Variants in SLC2A13 observed in about 807,000 individuals in gnomAD.
SLC2A13 encodes proton myo-inositol cotransporter.
Under a neutral mutation model 64.4 loss-of-function variants are expected in SLC2A13, and 32 were observed. That is an observed-to-expected ratio of 0.50 (90% CI 0.37 to 0.67). The LOEUF (loss-of-function observed/expected upper bound fraction) is 0.67. Ranked by LOEUF, SLC2A13 falls within the 30% of genes least tolerant of loss-of-function variation. The pLI is 0.00. For missense variants in SLC2A13, 743 were observed against 829.2 expected (o/e 0.90, Z 1.28); for synonymous variants, 338 against 327.1 (o/e 1.03, Z -0.36).
At chr12:39,951,546 GTGTTTT>G (rs1365227691) in intron 3 of SLC2A13, among the ~76,000 whole-genome samples, 181 bp from the exon 4 acceptor site, 2 of 152,120 alleles carry the variant, frequency 1.3e-5, no homozygotes, top group Admixed American at 6.6e-5. Context: ...CAAACAGATA[GTGTTTT>G]TGTTTTTGTT....
intron 3 of SLC2A13, among the ~76,000 whole-genome samples, chr12:39,995,878 G>A (rs1369153969): frequency 6.6e-6 from 1 of 152,184 alleles, no homozygotes; most frequent in Non-Finnish European, 1.5e-5. Flanking sequence ...TGAAAAACAT[G>A]ACTTGCTCCT....
intron 4 of SLC2A13, among the ~76,000 whole-genome samples, chr12:39,888,444 C>T (rs1170051668): frequency 2.0e-5 from 3 of 152,156 alleles, no homozygotes; most frequent in Non-Finnish European, 1.5e-5. Flanking sequence ...AGGCTGAACT[C>T]GAACTGCTGA....
chr12:39,770,653 A>G (rs7297063), intron 7 of SLC2A13, among the ~76,000 whole-genome samples: 148,036 of 152,240 alleles, frequency 0.97, 71,974 homozygotes, highest in East Asian at 1. Flanking sequence ...TGCACACTCA[A>G]TGCTTAGCAT....
intron 4 of SLC2A13, among the ~76,000 whole-genome samples, chr12:39,932,693 T>C (rs979845085): frequency 6.6e-6 from 1 of 152,142 alleles, no homozygotes; most frequent in African/African-American, 2.4e-5. Context: ...CTATCTGAGG[T>C]GTGCTGTTTA....
chr12:39,986,001 G>A (rs1322712698), intron 3 of SLC2A13, among the ~76,000 whole-genome samples: 1 of 152,106 alleles, frequency 6.6e-6, no homozygotes, highest in Non-Finnish European at 1.5e-5. Flanking sequence ...AAGATTCACT[G>A]TGCGGTGAGG....
At chr12:39,864,652 C>T in intron 6 of SLC2A13, 110 bp downstream of exon 6, 4 of 1,420,624 alleles carry the variant, frequency 2.8e-6, no homozygotes, top group Non-Finnish European at 3.8e-6. Flanking sequence ...CTTACATAAG[C>T]CTGGATGCCC....
chr12:40,103,882 T>C (rs975667170), intron 1 of SLC2A13, among the ~76,000 whole-genome samples: 3 of 152,232 alleles, frequency 2.0e-5, no homozygotes, highest in South Asian at 2.1e-4. Flanking sequence ...TTGGATATTT[T>C]TGTGCCAACT....
intron 7 of SLC2A13, among the ~76,000 whole-genome samples, chr12:39,818,512 T>A (rs1301844678): frequency 6.6e-6 from 1 of 152,176 alleles, no homozygotes; most frequent in Non-Finnish European, 1.5e-5. Context: ...AACTCTAACT[T>A]TATAAGTAGC....
At chr12:39,835,509 C>A (rs190588917) in intron 6 of SLC2A13, among the ~76,000 whole-genome samples, 7 of 151,980 alleles carry the variant, frequency 4.6e-5, no homozygotes, top group African/African-American at 7.2e-5. Flanking sequence ...AAAGGAATTG[C>A]GGAATGAATT....
intron 4 of SLC2A13, among the ~76,000 whole-genome samples, chr12:39,895,587 T>C (rs1259647435): frequency 7.5e-6 from 1 of 132,994 alleles, no homozygotes; most frequent in African/African-American, 2.8e-5. Flanking sequence ...TATATGTGTA[T>C]ATATATGTGT....
intron 4 of SLC2A13, among the ~76,000 whole-genome samples, chr12:39,940,920 C>T (rs986583892): frequency 6.6e-6 from 1 of 151,830 alleles, no homozygotes; most frequent in African/African-American, 2.4e-5. Context: ...TACACCTTTG[C>T]GTCCTCATAG....
At chr12:40,099,682 A>G (rs1183887039) in intron 1 of SLC2A13, among the ~76,000 whole-genome samples, 1 of 152,248 alleles carries the variant, frequency 6.6e-6, no homozygotes, top group African/African-American at 2.4e-5. Context: ...CTAGGCAAAC[A>G]CAACTAGATC....
chr12:39,805,104 C>T (rs545042979), intron 7 of SLC2A13, among the ~76,000 whole-genome samples: 14 of 151,010 alleles, frequency 9.3e-5, no homozygotes, highest in South Asian at 4.2e-4. Context: ...TCATCAGTGA[C>T]GACAATGGAG....
intron 1 of SLC2A13, among the ~76,000 whole-genome samples, chr12:40,103,317 A>C (rs1454926530): frequency 6.6e-6 from 1 of 152,208 alleles, no homozygotes; most frequent in Non-Finnish European, 1.5e-5. Context: ...ACATGTCAAC[A>C]TACCATTTCC....
At chr12:39,771,930 G>A (rs1300203139) in intron 7 of SLC2A13, among the ~76,000 whole-genome samples, 2 of 151,928 alleles carry the variant, frequency 1.3e-5, no homozygotes, top group African/African-American at 2.4e-5. Flanking sequence ...TACTCATGAC[G>A]TTTCCTGTAA....
chr12:40,059,723 T>A (rs1948387093), intron 1 of SLC2A13, among the ~76,000 whole-genome samples: 2 of 152,086 alleles, frequency 1.3e-5, no homozygotes, highest in African/African-American at 4.8e-5. Flanking sequence ...GAAGCATAGA[T>A]AACCATATCA....
At chr12:39,841,870 C>G (rs1943188340) in intron 6 of SLC2A13, among the ~76,000 whole-genome samples, 2 of 152,008 alleles carry the variant, frequency 1.3e-5, no homozygotes, top group South Asian at 4.1e-4. Context: ...AGTAAGTCGA[C>G]TAGTATTTGT....
intron 4 of SLC2A13, among the ~76,000 whole-genome samples, chr12:39,949,198 GGTATT>G (rs2136098327): frequency 6.6e-6 from 1 of 152,238 alleles, no homozygotes; most frequent in East Asian, 1.9e-4. Flanking sequence ...ACTCAGCATA[GGTATT>G]GTATTATTTT....
chr12:39,850,999 A>G (rs1253565837), intron 6 of SLC2A13, among the ~76,000 whole-genome samples: 1 of 151,768 alleles, frequency 6.6e-6, no homozygotes, highest in Non-Finnish European at 1.5e-5. Context: ...TCCTGGGTTC[A>G]AGCAATTCTC....
Sources: allele counts gnomAD v4.1 joint callset (sites outside exome capture counted in the v4.1 genomes callset), GRCh38; gene constraint gnomAD v4.1.1; transcripts MANE v1.5; gene names NCBI Gene and HGNC (gene_info 2026-07-23, HGNC 2026-07-21).